Variants in RNF149 observed in about 807,000 individuals in gnomAD.
RNF149 encodes the protein ring finger protein 149.
In RNF149, 21 loss-of-function variants were observed where a neutral mutation model predicts 39.0. The ratio of observed to expected loss-of-function variants is 0.54; its 90% CI spans 0.38 to 0.77. The LOEUF (loss-of-function observed/expected upper bound fraction) is 0.77, where lower values mean the gene tolerates loss of function less well. RNF149 is among the 30% of genes least tolerant of loss of function. RNF149 has a pLI of 0.00. For missense variants in RNF149, 493 were observed against 534.9 expected, an observed-to-expected ratio of 0.92 and a Z score of 0.77; for synonymous variants, 209 against 213.6, an observed-to-expected ratio of 0.98 and a Z score of 0.19.
intron 1 of RNF149, among the ~76,000 whole-genome samples, chr2:101,298,004 G>T (rs1231280121): frequency 6.6e-6 from 1 of 152,212 alleles, no homozygotes; most frequent in Admixed American, 6.5e-5. Flanking sequence ...GGACAAGGGG[G>T]TGAATAAATT....
chr2:101,276,982 T>C lies in RNF149; in HGVS notation c.*256A>G. 8.4e-7 allele frequency: 1 copy of C among 1,195,442 alleles called. No individual in the cohort carries two copies. The highest frequency in any genetic ancestry group is 1.0e-6 in the Non-Finnish European group (1 of 953,742). 74.1% of individuals were successfully genotyped at this position (1,195,442 alleles called of 1,614,324 possible). A position where few individuals can be genotyped will look rare whatever the true frequency, so the allele number is the denominator to read the frequency against. ...CTTTATATTAGAGTACCTGCCCCAG[T>C]TGTCTTTGTAATAGTCTGAAGCAAC... On this transcript the variant is annotated 3_prime_UTR_variant, in exon 7 of 7. Transcript: ENST00000295317.
At chr2:101,306,559 G>A (rs985673014) in intron 1 of RNF149, among the ~76,000 whole-genome samples, 7 of 152,142 alleles carry the variant, frequency 4.6e-5, no homozygotes, top group Admixed American at 6.5e-5. Flanking sequence ...TCCTTGGACC[G>A]CCTGTGACCA....
intron 4 of RNF149, among the ~76,000 whole-genome samples, chr2:101,288,197 C>A (rs1234445119): frequency 3.4e-5 from 5 of 148,640 alleles, no homozygotes; most frequent in African/African-American, 1.2e-4. Context: ...TAAAACAAAA[C>A]CCTTAGTATA....
chr2:101,279,764 T>C (rs1364022597), intron 6 of RNF149, among the ~76,000 whole-genome samples: 1 of 152,206 alleles, frequency 6.6e-6, no homozygotes, highest in Non-Finnish European at 1.5e-5. Context: ...ACTTACATTC[T>C]AATATTTCTA....
downstream of RNF149, chr2:101,273,136 G>C (rs945702047): frequency 7.4e-7 from 1 of 1,353,126 alleles, no homozygotes; most frequent in East Asian, 4.6e-5. Flanking sequence ...CCTGCCAAGT[G>C]GTGTGTGTTT....
chr2:101,300,178 AC>A (rs1683397179), intron 1 of RNF149, among the ~76,000 whole-genome samples: 1 of 152,288 alleles, frequency 6.6e-6, no homozygotes, highest in African/African-American at 2.4e-5. Context: ...CTCAAAGGAG[AC>A]AAAAAAGTTT....
chr2:101,292,627 G>T (rs1472090832), intron 3 of RNF149, among the ~76,000 whole-genome samples: 2 of 152,150 alleles, frequency 1.3e-5, no homozygotes, highest in African/African-American at 4.8e-5. Context: ...TTAGCTGGGC[G>T]TGGTGGCAGG....
At position 101,276,482 on chromosome 2, in the gene RNF149, C is replaced by A; in HGVS notation, c.*756G>T. On this transcript the variant is annotated 3_prime_UTR_variant, in exon 7 of 7. Transcript: ENST00000295317. ...GTAACTGAAATCAATATAACAGATT[C>A]TGAGTCTGCCTACTCATTTTCCTTA... 1 of 985,682 alleles carries A rather than the reference C, an allele frequency of 1.0e-6. No homozygotes were observed. Among genetic ancestry groups the A allele is most frequent in the Non-Finnish European group, 1.2e-6 (1 of 829,766 alleles). The allele number at this position is 985,682 out of a possible 1,614,324, so 61.1% of individuals were successfully genotyped here. A position where few individuals can be genotyped will look rare whatever the true frequency, so the allele number is the denominator to read the frequency against.
In RNF149 at chr2:101,286,071, T is replaced by C. The variant is rs376543893; in HGVS notation, c.960+10A>G. Reference sequence around the variant, plus strand: ...GGCAGAGATTGAATATAAACAAAAATGTAACAAACCCAATATCCTAGGGCT... The same window carrying C: ...GGCAGAGATTGAATATAAACAAAAACGTAACAAACCCAATATCCTAGGGCT... On this transcript the variant is annotated intron_variant, in intron 5 of 6. Coordinates refer to ENST00000295317, the MANE Select transcript of RNF149 (RefSeq NM_173647.4). 1 of 1,542,760 alleles carries C rather than the reference T, an allele frequency of 6.5e-7. No individual in the cohort carries two copies. Among genetic ancestry groups the C allele is most frequent in the African/African-American group, 1.4e-5 (1 of 73,342 alleles).
chr2:101,276,126 A>T lies in RNF149; in HGVS notation c.*1112T>A, dbSNP rs1163744236. Reference sequence around the variant, plus strand: ...AACATTTATTTTTACCTACAAAGTAAAGATATACAGAATAACTAGGAGCAA... The same window carrying T: ...AACATTTATTTTTACCTACAAAGTATAGATATACAGAATAACTAGGAGCAA... On this transcript the variant is annotated 3_prime_UTR_variant, in exon 7 of 7. Coordinates refer to ENST00000295317, the MANE Select transcript of RNF149 (RefSeq NM_173647.4). 5.2e-6 allele frequency: 5 copies of T among 954,204 alleles called. No individual in the cohort carries two copies. Among genetic ancestry groups the T allele is most frequent in the Non-Finnish European group, 6.2e-6 (5 of 801,590 alleles). 59.1% of individuals were successfully genotyped at this position (954,204 alleles called of 1,614,324 possible). A position where few individuals can be genotyped will look rare whatever the true frequency, so the allele number is the denominator to read the frequency against.
In RNF149 at chr2:101,286,113, T is replaced by A; in HGVS notation, c.928A>T (p.Lys310Ter). The A allele has an allele frequency of 1.2e-6, 2 of 1,612,244 alleles. No individual in the cohort carries two copies. The highest frequency in any genetic ancestry group is 8.5e-7 in the Non-Finnish European group (1 of 1,178,362). ...CCTAGGGCTTTGATGACATCAAGTT[T>A]ACACATTGGACATGTTCGGTGATCC... Reference protein sequence around the residue: ...LLDHRTCPMCKLDVIKALGYW... With the variant: ...LLDHRTCPMC Residue 310 changes from lysine to a stop codon, truncating the protein, a stop_gained, in exon 5 of 7, where the codon AAA becomes TAA. Transcript: ENST00000295317. LOFTEE classifies it high-confidence loss of function.
intron 6 of RNF149, among the ~76,000 whole-genome samples, chr2:101,280,393 C>A (rs1682534037): frequency 6.6e-6 from 1 of 152,018 alleles, no homozygotes; most frequent in Non-Finnish European, 1.5e-5. Context: ...AGTTAAATCT[C>A]CCCTCACACC....
rs1192968989 is a variant in RNF149 at position 101,276,472 on chromosome 2, A to G, written c.*766T>C. The G allele has an allele frequency of 3.4e-5, 34 of 985,636 alleles. No homozygotes were observed. The highest frequency in any genetic ancestry group is 4.0e-5 in the Non-Finnish European group (33 of 829,802). 61.1% of individuals were successfully genotyped at this position (985,636 alleles called of 1,614,324 possible). A position where few individuals can be genotyped will look rare whatever the true frequency, so the allele number is the denominator to read the frequency against. On this transcript the variant is annotated 3_prime_UTR_variant, in exon 7 of 7. Coordinates refer to ENST00000295317, the MANE Select transcript of RNF149 (RefSeq NM_173647.4). ...AGATTAAATTGTAACTGAAATCAAT[A>G]TAACAGATTCTGAGTCTGCCTACTC... is the stretch of plus-strand genomic sequence containing the variant.
chr2:101,300,260 G>A (rs1343252411), intron 1 of RNF149, among the ~76,000 whole-genome samples: 1 of 152,140 alleles, frequency 6.6e-6, no homozygotes, highest in Non-Finnish European at 1.5e-5. Flanking sequence ...GACCAGCCCA[G>A]TTTGGCTGGT....
intron 3 of RNF149, among the ~76,000 whole-genome samples, chr2:101,289,610 C>A (rs554138603): frequency 1.3e-5 from 2 of 150,148 alleles, no homozygotes; most frequent in East Asian, 4.0e-4. Context: ...GAGGCTGAGG[C>A]AGGAGAATGG....
At position 101,282,206 on chromosome 2, in the gene RNF149, G is replaced by C. The variant is rs556533868; in HGVS notation, c.961-149C>G. 20 of 1,182,322 alleles carry C rather than the reference G, an allele frequency of 1.7e-5. No individual in the cohort carries two copies. The Admixed American group carries it at 3.1e-4, about 19-fold the overall frequency. 73.2% of individuals were successfully genotyped at this position (1,182,322 alleles called of 1,614,324 possible). On this transcript the variant is annotated intron_variant, in intron 5 of 6. Coordinates refer to ENST00000295317, the MANE Select transcript of RNF149 (RefSeq NM_173647.4). ...AGCACATCAATGTCTCCCTTATCTA[G>C]TATCACAAGAAAATGAATTCCTTCT...
intron 3 of RNF149, among the ~76,000 whole-genome samples, chr2:101,292,454 T>A (rs1683049337): frequency 6.6e-6 from 1 of 152,340 alleles, no homozygotes; most frequent in South Asian, 2.1e-4. Flanking sequence ...TATACATCTA[T>A]GTCTTCTCAT....
intron 3 of RNF149, 106 bp from the exon 4 acceptor site, chr2:101,289,161 G>C: frequency 1.6e-6 from 1 of 634,422 alleles, no homozygotes; most frequent in Non-Finnish European, 2.8e-6. Context: ...CTTCTACAGT[G>C]GTACAACCGG....
chr2:101,277,061 C>A lies in RNF149; in HGVS notation c.*177G>T, dbSNP rs906078679. ...AGTAGATAAATATATGAGGACTAAT[C>A]GAAAAGTCTCTTCAAGAAGAAAATA... On this transcript the variant is annotated 3_prime_UTR_variant, in exon 7 of 7. Transcript: ENST00000295317. 3.6e-6 allele frequency: 5 copies of A among 1,371,694 alleles called. No individual in the cohort carries two copies. Among genetic ancestry groups the A allele is most frequent in the Non-Finnish European group, 4.8e-6 (5 of 1,048,684 alleles). 85.0% of individuals were successfully genotyped at this position (1,371,694 alleles called of 1,614,324 possible).
Sources: allele counts gnomAD v4.1 joint callset (sites outside exome capture counted in the v4.1 genomes callset), GRCh38; gene constraint gnomAD v4.1.1; transcripts MANE v1.5; gene names NCBI Gene and HGNC (gene_info 2026-07-23, HGNC 2026-07-21).